Variants in OPCML observed in about 807,000 individuals in gnomAD.
OPCML encodes opioid-binding protein/cell adhesion molecule.
Under a neutral mutation model 37.8 loss-of-function variants are expected in OPCML, and 13 were observed. The observed-to-expected ratio is 0.34, with a 90% CI of 0.22 to 0.55. The LOEUF is 0.55. OPCML is among the 20% of genes least tolerant of loss of function. OPCML has a pLI of 0.91. For missense variants in OPCML, 341 were observed against 435.6 expected (o/e 0.78, Z 1.93); for synonymous variants, 176 against 168.8 (o/e 1.04, Z -0.33).
At chr11:133,021,431 A>G (rs1591919731) in intron 1 of OPCML, among the ~76,000 whole-genome samples, 1 of 151,998 alleles carries the variant, frequency 6.6e-6, no homozygotes, top group Non-Finnish European at 1.5e-5. Flanking sequence ...TTTCTGTGAT[A>G]CACCCCAGTT....
intron 1 of OPCML, among the ~76,000 whole-genome samples, chr11:133,464,350 G>T (rs1268960946): frequency 5.3e-5 from 8 of 151,900 alleles, no homozygotes; most frequent in Non-Finnish European, 7.4e-5. Context: ...TTTGTCCCTA[G>T]GATACAATGG....
At chr11:133,421,394 A>T (rs1342872779) in intron 1 of OPCML, 1 of 985,334 alleles carries the variant, frequency 1.0e-6, no homozygotes, top group Admixed American at 6.1e-5. Context: ...GACCAGAAGA[A>T]GAGAAATCAG....
chr11:133,051,885 A>G (rs1591953283), intron 1 of OPCML, among the ~76,000 whole-genome samples: 1 of 152,188 alleles, frequency 6.6e-6, no homozygotes, highest in East Asian at 1.9e-4. Flanking sequence ...ATCAGAAGCA[A>G]ATATACCCCA....
intron 3 of OPCML, among the ~76,000 whole-genome samples, chr11:132,545,931 G>A (rs1365935024): frequency 6.6e-6 from 1 of 152,176 alleles, no homozygotes; most frequent in African/African-American, 2.4e-5. Context: ...AATAAGTACT[G>A]GCTTAAAATG....
intron 1 of OPCML, among the ~76,000 whole-genome samples, chr11:133,157,649 G>A (rs574910719): frequency 4.9e-4 from 75 of 152,188 alleles, no homozygotes; most frequent in African/African-American, 1.7e-3. Flanking sequence ...ACTAGCTCAC[G>A]GAGGGATAAA....
chr11:133,440,782 C>CTATATATATATATATATATATATATA (rs1327664049), intron 1 of OPCML, among the ~76,000 whole-genome samples: 1 of 129,594 alleles, frequency 7.7e-6, no homozygotes, highest in African/African-American at 3.2e-5. Flanking sequence ...ATATATATAT[C>CTATATATATATATATATATATATATA]TGTGTGTGTG....
intron 1 of OPCML, among the ~76,000 whole-genome samples, chr11:133,133,604 AG>A (rs978872652): frequency 6.6e-6 from 1 of 152,068 alleles, no homozygotes; most frequent in Non-Finnish European, 1.5e-5. Context: ...CAGGAAGTGT[AG>A]TAGCTCCCCT....
chr11:133,191,190 A>C (rs1386007150), intron 1 of OPCML, among the ~76,000 whole-genome samples: 1 of 152,100 alleles, frequency 6.6e-6, no homozygotes. Context: ...GTGATATCTC[A>C]TTATGACTTT....
chr11:132,662,419 A>G (rs1942018756), intron 2 of OPCML, among the ~76,000 whole-genome samples: 1 of 151,832 alleles, frequency 6.6e-6, no homozygotes. Context: ...ATGCAAAAAA[A>G]AAAAAAAAAA....
chr11:132,973,532 A>G (rs886407055), intron 1 of OPCML, among the ~76,000 whole-genome samples: 7 of 152,260 alleles, frequency 4.6e-5, no homozygotes, highest in Non-Finnish European at 8.8e-5. Context: ...TTGCTCAATA[A>G]TCTTTTTGTC....
At chr11:132,667,182 C>T (rs1321004306) in intron 2 of OPCML, among the ~76,000 whole-genome samples, 1 of 152,120 alleles carries the variant, frequency 6.6e-6, no homozygotes, top group South Asian at 2.1e-4. Context: ...TTTTGTTTTG[C>T]TTTTTTGTTG....
At chr11:132,742,079 A>G (rs1217115737) in intron 2 of OPCML, among the ~76,000 whole-genome samples, 1 of 152,142 alleles carries the variant, frequency 6.6e-6, no homozygotes, top group Non-Finnish European at 1.5e-5. Flanking sequence ...TAATTCAAAA[A>G]TGACTTCCTT....
intron 1 of OPCML, among the ~76,000 whole-genome samples, chr11:133,401,397 T>C (rs1260925384): frequency 1.3e-5 from 2 of 152,178 alleles, no homozygotes; most frequent in African/African-American, 4.8e-5. Flanking sequence ...GCATGCATTA[T>C]CTCATTTGAC....
intron 1 of OPCML, among the ~76,000 whole-genome samples, chr11:133,110,092 A>G (rs1232719254): frequency 6.6e-6 from 1 of 152,174 alleles, no homozygotes; most frequent in East Asian, 1.9e-4. Flanking sequence ...GCATAGGACA[A>G]CCCTGTACCT....
intron 2 of OPCML, among the ~76,000 whole-genome samples, chr11:132,867,088 C>A (rs1240505388): frequency 6.6e-6 from 1 of 152,190 alleles, no homozygotes. Context: ...ATAATTTGAG[C>A]TCACTTAGAG....
intron 1 of OPCML, among the ~76,000 whole-genome samples, chr11:133,415,568 A>G (rs561259768): frequency 6.6e-6 from 1 of 152,294 alleles, no homozygotes; most frequent in African/African-American, 2.4e-5. Flanking sequence ...GAGGAGGAAG[A>G]AGAAGGCCCC....
chr11:133,374,454 C>T (rs556982214), intron 1 of OPCML, among the ~76,000 whole-genome samples: 23 of 152,108 alleles, frequency 1.5e-4, no homozygotes, highest in Admixed American at 3.3e-4. Flanking sequence ...AGTTTAAATA[C>T]GTGTAGTCTA....
intron 3 of OPCML, among the ~76,000 whole-genome samples, chr11:132,569,202 A>G (rs2096431580): frequency 6.6e-6 from 1 of 152,240 alleles, no homozygotes; most frequent in Admixed American, 6.5e-5. Context: ...TAAAGAGGTA[A>G]TCAAAGTTAA....
At chr11:133,237,444 T>A (rs1327903454) in intron 1 of OPCML, among the ~76,000 whole-genome samples, 1 of 152,188 alleles carries the variant, frequency 6.6e-6, no homozygotes, top group Non-Finnish European at 1.5e-5. Flanking sequence ...GGGCCAGGAC[T>A]ACAGTTAACA....
Sources: allele counts gnomAD v4.1 joint callset (sites outside exome capture counted in the v4.1 genomes callset), GRCh38; gene constraint gnomAD v4.1.1; transcripts MANE v1.5; gene names NCBI Gene and HGNC (gene_info 2026-07-23, HGNC 2026-07-21).